The following PCED1B variants were observed in gnomAD, a reference collection of about 807,000 sequenced individuals.
PCED1B encodes the protein PC-esterase domain containing 1B, also known as PC-esterase domain-containing protein 1B.
For synonymous variants in PCED1B, 251 were observed against 246.1 expected, an observed-to-expected ratio of 1.02 and a Z score of -0.19; for missense variants, 573 against 573.9, an observed-to-expected ratio of 1.00 and a Z score of 0.02.
intron 3 of PCED1B, among the ~76,000 whole-genome samples, chr12:47,225,635 A>G (rs1943611548): frequency 6.6e-6 from 1 of 152,094 alleles, no homozygotes; most frequent in African/African-American, 2.4e-5. Flanking sequence ...AATTTAAGAG[A>G]ATCTTGGAAA....
intron 3 of PCED1B, among the ~76,000 whole-genome samples, chr12:47,223,058 A>G (rs214710): frequency 0.49 from 74,727 of 151,938 alleles, 20,879 homozygotes; most frequent in African/African-American, 0.78. Flanking sequence ...AGAGAAGAAA[A>G]GAGCCCTTCA....
At position 47,235,751 on chromosome 12, in the gene PCED1B, G is replaced by T; in HGVS notation, c.688G>T (p.Val230Leu). The T allele has an allele frequency of 1.2e-6, 2 of 1,601,904 alleles. No individual in the cohort carries two copies. Among genetic ancestry groups the T allele is most frequent in the Non-Finnish European group, 1.7e-6 (2 of 1,174,482 alleles). ...HARENLHWDG[V>L]HWNGRVHRCL... ...GAGGGAGAACCTGCACTGGGACGGGGTGCACTGGAATGGACGTGTGCACCG... is the reference window on the plus strand; with the variant it reads ...GAGGGAGAACCTGCACTGGGACGGGTTGCACTGGAATGGACGTGTGCACCG... The change falls in exon 4 of 4, where the codon GTG (valine) becomes TTG (leucine). Residue 230 changes from valine to leucine, a missense_variant. Coordinates refer to ENST00000546455, the MANE Select transcript of PCED1B (RefSeq NM_138371.3).
intron 2 of PCED1B, among the ~76,000 whole-genome samples, chr12:47,183,506 G>T (rs892389847): frequency 9.2e-5 from 14 of 152,058 alleles, no homozygotes; most frequent in Non-Finnish European, 1.5e-4. Flanking sequence ...CATATTAAAG[G>T]CTCAGAGAAG....
intron 2 of PCED1B, among the ~76,000 whole-genome samples, chr12:47,145,392 C>A (rs1286249859): frequency 6.6e-6 from 1 of 152,148 alleles, no homozygotes; most frequent in African/African-American, 2.4e-5. Context: ...TTTAGAAGAT[C>A]TTGCTAAGAT....
intron 2 of PCED1B, among the ~76,000 whole-genome samples, chr12:47,121,644 C>G (rs1166317567): frequency 1.3e-5 from 2 of 152,078 alleles, no homozygotes; most frequent in Non-Finnish European, 2.9e-5. Context: ...GCTGCTCTGC[C>G]TTAGGAAGTT....
chr12:47,229,004 A>T (rs1943717168), intron 3 of PCED1B, among the ~76,000 whole-genome samples: 1 of 151,892 alleles, frequency 6.6e-6, no homozygotes, highest in Non-Finnish European at 1.5e-5. Flanking sequence ...TCTTCATAGA[A>T]CCCTGACAAA....
chr12:47,194,637 G>A (rs1942546337), intron 2 of PCED1B, among the ~76,000 whole-genome samples: 1 of 152,182 alleles, frequency 6.6e-6, no homozygotes, highest in Non-Finnish European at 1.5e-5. Flanking sequence ...GAATATTGAG[G>A]TCTCCTGCTC....
At chr12:47,089,492 A>ATATG (rs1480981817) in intron 1 of PCED1B, among the ~76,000 whole-genome samples, 3 of 83,720 alleles carry the variant, frequency 3.6e-5, no homozygotes, top group Non-Finnish European at 7.0e-5. Context: ...ATATATATAT[A>ATATG]TGTATATACC....
At chr12:47,192,256 T>A (rs2137662632) in intron 2 of PCED1B, among the ~76,000 whole-genome samples, 1 of 151,206 alleles carries the variant, frequency 6.6e-6, no homozygotes, top group African/African-American at 2.4e-5. Flanking sequence ...TGATTATAAG[T>A]AAAACCTATT....
chr12:47,114,486 A>G (rs982454407), intron 2 of PCED1B, among the ~76,000 whole-genome samples: 1 of 152,166 alleles, frequency 6.6e-6, no homozygotes, highest in African/African-American at 2.4e-5. Context: ...GAACCCCTGC[A>G]CCAGAGACAG....
At chr12:47,123,570 C>A (rs1168616853) in intron 2 of PCED1B, among the ~76,000 whole-genome samples, 7 of 151,414 alleles carry the variant, frequency 4.6e-5, no homozygotes, top group African/African-American at 9.7e-5. Flanking sequence ...ACCAGTATAT[C>A]AAAAAAAATT....
intron 2 of PCED1B, among the ~76,000 whole-genome samples, chr12:47,128,574 G>T (rs79758119): frequency 0.083 from 12,598 of 152,188 alleles, 861 homozygotes; most frequent in African/African-American, 0.19. Flanking sequence ...TTCAACTCTT[G>T]TATCAATAAT....
At chr12:47,183,151 A>G (rs1426696914) in intron 2 of PCED1B, among the ~76,000 whole-genome samples, 1 of 152,190 alleles carries the variant, frequency 6.6e-6, no homozygotes, top group East Asian at 1.9e-4. Flanking sequence ...CCAATTAGGG[A>G]ATGAACTTTT....
At chr12:47,172,288 T>A (rs1161032150) in intron 2 of PCED1B, among the ~76,000 whole-genome samples, 1 of 150,834 alleles carries the variant, frequency 6.6e-6, no homozygotes, top group East Asian at 2.0e-4. Context: ...CCAGCATAAA[T>A]CATCTTCTTC....
At chr12:47,147,065 A>G (rs942160987) in intron 2 of PCED1B, among the ~76,000 whole-genome samples, 1 of 137,776 alleles carries the variant, frequency 7.3e-6, no homozygotes, top group Non-Finnish European at 1.5e-5. Flanking sequence ...CAGTGGTGCA[A>G]TCTCGGCTCA....
intron 2 of PCED1B, among the ~76,000 whole-genome samples, chr12:47,171,050 T>A (rs1941713220): frequency 6.6e-6 from 1 of 151,226 alleles, no homozygotes; most frequent in Admixed American, 6.6e-5. Context: ...TTCTCCATTC[T>A]TCCTGCCAGG....
At chr12:47,199,162 C>T (rs4768783) in intron 2 of PCED1B, among the ~76,000 whole-genome samples, 81,965 of 151,834 alleles carry the variant, frequency 0.54, 22,573 homozygotes, top group East Asian at 0.69. Flanking sequence ...AGACCATTCA[C>T]ATTTGCACCA....
chr12:47,143,111 A>G (rs531104300), intron 2 of PCED1B, among the ~76,000 whole-genome samples: 1 of 152,292 alleles, frequency 6.6e-6, no homozygotes, highest in African/African-American at 2.4e-5. Context: ...CATCATACCC[A>G]GCTGTGAAAC....
intron 2 of PCED1B, among the ~76,000 whole-genome samples, chr12:47,148,836 G>T (rs910805315): frequency 1.3e-5 from 2 of 152,188 alleles, no homozygotes; most frequent in Non-Finnish European, 2.9e-5. Context: ...AATTGTTTGA[G>T]TATCTCTGTT....
Sources: gnomAD v4.1 joint callset for allele counts (sites outside exome capture counted in the v4.1 genomes callset) on GRCh38, gnomAD v4.1.1 for gene constraint, MANE v1.5 for transcripts, NCBI Gene and HGNC (gene_info 2026-07-23, HGNC 2026-07-21) for gene names.